The following THSD7B variants were observed in gnomAD, a reference collection of about 807,000 sequenced individuals.
The protein encoded by THSD7B is thrombospondin type 1 domain containing 7B.
Under a neutral mutation model 213.6 loss-of-function variants are expected in THSD7B, and 138 were observed. The ratio of observed to expected loss-of-function variants is 0.65; its 90% CI spans 0.56 to 0.74. THSD7B has a LOEUF of 0.74. Among genes scored for constraint, THSD7B ranks in the 30% least tolerant of loss-of-function variants. The pLI is 0.00. For missense variants in THSD7B, 1,931 were observed against 1,991.5 expected (o/e 0.97, Z 0.58); for synonymous variants, 742 against 687.0 (o/e 1.08, Z -1.25).
At chr2:137,008,797 G>C (rs1350204196) in intron 2 of THSD7B, among the ~76,000 whole-genome samples, 2 of 152,124 alleles carry the variant, frequency 1.3e-5, no homozygotes, top group Non-Finnish European at 2.9e-5. Context: ...TTCATAAATT[G>C]TGCCTGTTGT....
intron 12 of THSD7B, among the ~76,000 whole-genome samples, chr2:137,304,492 T>A (rs1683697426): frequency 6.6e-6 from 1 of 152,058 alleles, no homozygotes; most frequent in African/African-American, 2.4e-5. Flanking sequence ...GAAAGCCAAA[T>A]TTCTATTAGT....
At chr2:137,196,195 G>A (rs1383204871) in intron 7 of THSD7B, among the ~76,000 whole-genome samples, 1 of 152,170 alleles carries the variant, frequency 6.6e-6, no homozygotes, top group Admixed American at 6.5e-5. Flanking sequence ...CATTGTTAAT[G>A]AGGCAGATGA....
chr2:137,217,256 T>C (rs1022768128), intron 7 of THSD7B, among the ~76,000 whole-genome samples: 1 of 152,214 alleles, frequency 6.6e-6, no homozygotes, highest in Non-Finnish European at 1.5e-5. Context: ...CACTCTTCCG[T>C]ACTTTCTTCC....
chr2:137,374,042 T>G (rs553321217), intron 12 of THSD7B, among the ~76,000 whole-genome samples: 1 of 152,296 alleles, frequency 6.6e-6, no homozygotes, highest in African/African-American at 2.4e-5. Context: ...GGCTCTGTTC[T>G]GTTCCATTGA....
intron 2 of THSD7B, among the ~76,000 whole-genome samples, chr2:137,044,755 G>A (rs1573786216): frequency 1.3e-5 from 2 of 152,224 alleles, no homozygotes; most frequent in African/African-American, 4.8e-5. Context: ...TGATGATGTG[G>A]ATCCTAAAAT....
chr2:137,467,861 A>T (rs1436480461), intron 15 of THSD7B, among the ~76,000 whole-genome samples: 1 of 152,162 alleles, frequency 6.6e-6, no homozygotes, highest in East Asian at 1.9e-4. Flanking sequence ...CACTCAAATG[A>T]TAAATAAGGA....
chr2:136,972,937 A>AT (rs1333897749), intron 2 of THSD7B, among the ~76,000 whole-genome samples: 3 of 152,116 alleles, frequency 2.0e-5, no homozygotes, highest in Admixed American at 2.0e-4. Context: ...ATTCAGATAA[A>AT]TTCTTCTCTC....
chr2:136,846,441 T>C (rs1683011511), intron 1 of THSD7B, among the ~76,000 whole-genome samples: 1 of 152,154 alleles, frequency 6.6e-6, no homozygotes, highest in Admixed American at 6.5e-5. Flanking sequence ...GCTACAGTAA[T>C]TTGATAATAA....
intron 17 of THSD7B, among the ~76,000 whole-genome samples, chr2:137,581,440 T>C (rs1681572760): frequency 6.6e-6 from 1 of 151,926 alleles, no homozygotes; most frequent in African/African-American, 2.4e-5. Flanking sequence ...ATGCAAAAAT[T>C]AGCCCAGCGT....
intron 2 of THSD7B, among the ~76,000 whole-genome samples, chr2:137,051,053 A>G (rs745442798): frequency 6.6e-6 from 1 of 152,190 alleles, no homozygotes; most frequent in Non-Finnish European, 1.5e-5. Flanking sequence ...TCCTGTTTCC[A>G]TCAGTGAGCC....
At chr2:136,856,995 A>G (rs969969581) in intron 1 of THSD7B, among the ~76,000 whole-genome samples, 6 of 152,234 alleles carry the variant, frequency 3.9e-5, no homozygotes, top group African/African-American at 1.2e-4. Context: ...CCTTTAGAAT[A>G]GAGACCTAGA....
chr2:137,429,121 C>T, intron 14 of THSD7B, among the ~76,000 whole-genome samples: 1 of 152,106 alleles, frequency 6.6e-6, no homozygotes, highest in East Asian at 1.9e-4. Flanking sequence ...TGGACTAAGA[C>T]ATTTATGGAG....
At chr2:137,482,782 G>A (rs1335667102) in intron 15 of THSD7B, among the ~76,000 whole-genome samples, 1 of 151,752 alleles carries the variant, frequency 6.6e-6, no homozygotes, top group African/African-American at 2.4e-5. Flanking sequence ...TTTCTACCCT[G>A]ATTGTGTTCC....
At chr2:137,668,616 T>C (rs772146160) in intron 27 of THSD7B, among the ~76,000 whole-genome samples, 91 of 152,246 alleles carry the variant, frequency 6.0e-4, no homozygotes, top group Non-Finnish European at 9.9e-4. Flanking sequence ...CTGGGGTGCC[T>C]ACTCCCCACA....
chr2:137,478,493 T>G (rs925574383), intron 15 of THSD7B, among the ~76,000 whole-genome samples: 3 of 152,212 alleles, frequency 2.0e-5, no homozygotes, highest in African/African-American at 7.2e-5. Context: ...TCTTCTATTG[T>G]TTATCTCATT....
rs1271952087 is a variant in THSD7B, at chr2:137,056,777, C to A, written c.497C>A (p.Pro166His). The change falls in exon 3 of 28, where the codon CCT (proline) becomes CAT (histidine). Residue 166 changes from proline to histidine, a missense_variant. By Grantham distance (77) the Pro-to-His change is moderately conservative. Transcript: ENST00000409968. ...ATATGCGAACACTTTGCCCTTCAGC[C>A]TCCTACAGAACAGGCTTGCCTCATT... ...NEICEHFALQ[P>H]PTEQACLIPC... The A allele has an allele frequency of 6.2e-7, 1 of 1,613,866 alleles. No homozygotes were observed. The highest frequency in any genetic ancestry group is 1.3e-5 in the African/African-American group (1 of 74,922).
chr2:136,774,234 G>T (rs1159226810), intron 1 of THSD7B, among the ~76,000 whole-genome samples: 2 of 152,004 alleles, frequency 1.3e-5, no homozygotes, highest in Non-Finnish European at 2.9e-5. Flanking sequence ...CAGTGTTTCT[G>T]ATTTACATTT....
intron 13 of THSD7B, among the ~76,000 whole-genome samples, chr2:137,407,793 C>T (rs529135340): frequency 3.3e-5 from 5 of 152,018 alleles, no homozygotes; most frequent in Admixed American, 6.6e-5. Context: ...ATTCACTGAG[C>T]GTTCTGTATG....
chr2:136,950,013 G>A lies in THSD7B; in HGVS notation c.139+67696G>A, dbSNP rs565358284. On this transcript the variant is annotated intron_variant, in intron 2 of 27. Coordinates refer to ENST00000409968, the MANE Select transcript of THSD7B (RefSeq NM_001316349.2). ...ACACGCCTGTAATCGTAGCACTTTG[G>A]GAGGCCGAGGTGAGCGGATCACGAG... Among the ~76,000 whole-genome samples, 8 of 152,298 alleles carry A rather than the reference G, an allele frequency of 5.3e-5. No homozygotes were observed. The East Asian group carries it at 1.5e-3, about 29-fold the overall frequency.
Sources: allele counts gnomAD v4.1 joint callset (sites outside exome capture counted in the v4.1 genomes callset), GRCh38; gene constraint gnomAD v4.1.1; transcripts MANE v1.5; gene names NCBI Gene and HGNC (gene_info 2026-07-23, HGNC 2026-07-21).